ATRAID: variants seen among roughly 807,000 people sequenced by gnomAD.
The protein encoded by ATRAID is all-trans retinoic acid-induced differentiation factor.
A neutral mutation model predicts 28.8 loss-of-function variants in ATRAID; 26 were observed. The observed-to-expected ratio is 0.90, with a 90% CI of 0.66 to 1.25. The LOEUF is 1.25. Ranked by LOEUF, ATRAID falls within the 50% of genes most tolerant of loss-of-function variation. ATRAID has a pLI of 0.00. For synonymous variants in ATRAID, 131 were observed against 108.5 expected, an observed-to-expected ratio of 1.21 and a Z score of -1.29; for missense variants, 308 against 285.9, an observed-to-expected ratio of 1.08 and a Z score of -0.56.
chr2:27,212,670 A>G, intron 1 of ATRAID: 1 of 1,376,082 alleles, frequency 7.3e-7, no homozygotes. Context: ...CGACTTTCAA[A>G]GACCTGTGAA....
Position 27,217,063 on chromosome 2 carries a change from C to A in ATRAID, c.*115C>A. On this transcript the variant is annotated 3_prime_UTR_variant, in exon 7 of 7. Transcript: ENST00000380171. ...CAGTGGATTCGCCTCAAGGTTGAGG[C>A]CGCCATTGGAAGATGAAAAATTGCA... The A allele has an allele frequency of 1.2e-6, 1 of 865,214 alleles. No individual in the cohort carries two copies. The highest frequency in any genetic ancestry group is 1.8e-5 in the South Asian group (1 of 56,378). The allele number at this position is 865,214 out of a possible 1,614,324, so 53.6% of individuals were successfully genotyped here.
rs1674883388 is a variant in ATRAID, at chr2:27,217,124, T to C, written c.*176T>C. The C allele has an allele frequency of 1.8e-6, 1 of 565,614 alleles. No homozygotes were observed. The highest frequency in any genetic ancestry group is 3.6e-5 in the Admixed American group (1 of 27,670). The allele number at this position is 565,614 out of a possible 1,614,324, so 35.0% of individuals were successfully genotyped here. ...GTAGACAAATACCAGTTCCCATTGGTGTTGTTGCCTATAATAAACACTTTT... is the reference window on the plus strand; with the variant it reads ...GTAGACAAATACCAGTTCCCATTGGCGTTGTTGCCTATAATAAACACTTTT... On this transcript the variant is annotated 3_prime_UTR_variant, in exon 7 of 7. Coordinates refer to ENST00000380171, the MANE Select transcript of ATRAID (RefSeq NM_001170795.4).
rs768887668 is a variant in ATRAID at position 27,216,544 on chromosome 2, C to T, written c.509C>T (p.Ser170Phe). The change falls in exon 6 of 7, where the codon TCT becomes TTT. Residue 170 changes from serine (S) to phenylalanine (F), a missense_variant. Physicochemically the swap from Ser to Phe is radical, Grantham distance 155. Coordinates refer to ENST00000380171, the MANE Select transcript of ATRAID (RefSeq NM_001170795.4). ...GDPEMCPENG[S>F]CVPDGPGLLQ... ...CCAGAAATGTGTCCTGAGAATGGATCTTGTGTACCTGATGGTCCAGGTCTT... is the reference window on the plus strand; with the variant it reads ...CCAGAAATGTGTCCTGAGAATGGATTTTGTGTACCTGATGGTCCAGGTCTT... 1.2e-6 allele frequency: 2 copies of T among 1,613,984 alleles called. No individual in the cohort carries two copies. Among genetic ancestry groups the T allele is most frequent in the Non-Finnish European group, 1.7e-6 (2 of 1,179,858 alleles).
rs750774905 is a variant in ATRAID, at chr2:27,215,707, A to G, written c.441A>G (p.Gln147=). 1.7e-5 allele frequency: 27 copies of G among 1,614,036 alleles called. No homozygotes were observed. In the Admixed American group the frequency reaches 3.5e-4, roughly 21 times the overall value. ...WNTITSYIDN[Q]ICQGQKNLCN... ...CTATCACCTCTTATATAGACAACCA[A>G]ATCTGTCAAGGGCAAAAGAACCTTT... Residue 147 remains glutamine (Q), a synonymous_variant, in exon 5 of 7, where the codon CAA becomes CAG. Transcript: ENST00000380171.
rs767986269 is a variant in ATRAID, at chr2:27,212,388, G to A, written c.20G>A (p.Gly7Asp). ...CGGAAAATGGCGCCTCACGACCCGGGTAGTCTTACGACCCTGGTGCCCTGG... is the reference window on the plus strand; with the variant it reads ...CGGAAAATGGCGCCTCACGACCCGGATAGTCTTACGACCCTGGTGCCCTGG... MAPHDP[G>D]SLTTLVPWAA... is the part of the protein sequence containing the mutation. Residue 7 changes from glycine (G) to aspartate (D), a missense_variant, in exon 1 of 7, where the codon GGT becomes GAT. Coordinates refer to ENST00000380171, the MANE Select transcript of ATRAID (RefSeq NM_001170795.4). 2.6e-6 allele frequency: 4 copies of A among 1,550,760 alleles called. No homozygotes were observed. In the African/African-American group the frequency reaches 5.5e-5, roughly 21 times the overall value.
chr2:27,213,279 CAGA>C lies in ATRAID; in HGVS notation c.205_207del (p.Lys69del). ...GCTGCATGCCCGTTGCTGCCTGAAT[CAGA>C]AGGGCACCATCTTGGGGTGAGGGGA... On this transcript the variant is annotated inframe_deletion, in exon 2 of 7. Coordinates refer to ENST00000380171, the MANE Select transcript of ATRAID (RefSeq NM_001170795.4). The C allele has an allele frequency of 6.2e-7, 1 of 1,614,140 alleles. No individual in the cohort carries two copies. Among genetic ancestry groups the C allele is most frequent in the Non-Finnish European group, 8.5e-7 (1 of 1,179,996 alleles).
At chr2:27,216,297 C>A in intron 5 of ATRAID, 1 of 525,240 alleles carries the variant, frequency 1.9e-6, no homozygotes, top group South Asian at 2.2e-5. Context: ...TGTGGATCTT[C>A]AGTTGCTTCA....
chr2:27,216,840 A>G lies in ATRAID; in HGVS notation c.586-4A>G. 1 of 1,612,996 alleles carries G rather than the reference A, an allele frequency of 6.2e-7. No homozygotes were observed. Among genetic ancestry groups the G allele is most frequent in the Non-Finnish European group, 8.5e-7 (1 of 1,178,978 alleles). ...GGGGGTGTTTTTTGGTCTGTTGTTC[A>G]CAGGGCTCGTTCTCACTGCTTATGT... On this transcript the variant is annotated splice_polypyrimidine_tract_variant and splice_region_variant and intron_variant, in intron 6 of 6. Transcript: ENST00000380171.
chr2:27,215,226 T>C (rs1192501129), intron 2 of ATRAID, 95 bp from the exon 3 acceptor site: 1 of 1,223,888 alleles, frequency 8.2e-7, no homozygotes, highest in African/African-American at 1.5e-5. Flanking sequence ...GTTCAATTAT[T>C]AGCTGAAAAG....
chr2:27,216,499 T>C (rs766749389), intron 5 of ATRAID, 24 bp from the exon 6 acceptor site: 2 of 1,531,758 alleles, frequency 1.3e-6, no homozygotes, highest in Non-Finnish European at 9.0e-7. Context: ...AAAGTGATGT[T>C]CTCTATTTCT....
rs1413724153 is a variant in ATRAID at position 27,212,348 on chromosome 2, G to A, written c.-21G>A. ...CGCGGGGCCGGGTCGCGCGAGCAGCGGAGCACCAAGGGAACGGAAAATGGC... is the reference window on the plus strand; with the variant it reads ...CGCGGGGCCGGGTCGCGCGAGCAGCAGAGCACCAAGGGAACGGAAAATGGC... On this transcript the variant is annotated 5_prime_UTR_variant, in exon 1 of 7. Coordinates refer to ENST00000380171, the MANE Select transcript of ATRAID (RefSeq NM_001170795.4). 1 of 1,549,966 alleles carries A rather than the reference G, an allele frequency of 6.5e-7. No individual in the cohort carries two copies. Among genetic ancestry groups the A allele is most frequent in the East Asian group, 2.4e-5 (1 of 40,968 alleles).
intron 5 of ATRAID, 61 bp from the exon 6 acceptor site, chr2:27,216,462 T>C: frequency 7.8e-7 from 1 of 1,280,588 alleles, no homozygotes; most frequent in Non-Finnish European, 1.1e-6. Context: ...AAACAGATAA[T>C]TGAGAAATAT....
chr2:27,212,158 A>G lies in ATRAID; in HGVS notation c.-211A>G, dbSNP rs1329555252. ...GGGGGAGGCCTTCACTAAAGGGGAA[A>G]AGGAAGAGGGGGTCGGCCAGTATCC... On this transcript the variant is annotated 5_prime_UTR_variant, in exon 1 of 7. Transcript: ENST00000380171. 6.5e-7 allele frequency: 1 copy of G among 1,533,360 alleles called. No individual in the cohort carries two copies. Among genetic ancestry groups the G allele is most frequent in the Non-Finnish European group, 8.8e-7 (1 of 1,141,748 alleles). 95.0% of individuals were successfully genotyped at this position (1,533,360 alleles called of 1,614,324 possible). A position where few individuals can be genotyped will look rare whatever the true frequency, so the allele number is the denominator to read the frequency against.
At chr2:27,216,451 G>A (rs1674836331) in intron 5 of ATRAID, 72 bp from the exon 6 acceptor site, 6 of 1,199,254 alleles carry the variant, frequency 5.0e-6, no homozygotes, top group African/African-American at 4.5e-5. Flanking sequence ...AATCTAAGTT[G>A]AAACAGATAA....
chr2:27,216,591 G>A lies in ATRAID; in HGVS notation c.556G>A (p.Gly186Ser). 6.2e-7 allele frequency: 1 copy of A among 1,614,146 alleles called. No individual in the cohort carries two copies. Among genetic ancestry groups the A allele is most frequent in the Non-Finnish European group, 8.5e-7 (1 of 1,180,004 alleles). The change falls in exon 6 of 7, where the codon GGT becomes AGT. Residue 186 changes from glycine to serine, a missense_variant. Gly to Ser is a moderately conservative substitution (Grantham distance 56). Transcript: ENST00000380171. ...PGLLQCVCAD[G>S]FHGYKCMRQG... ...TCTTTTGCAGTGTGTTTGTGCTGATGGTTTCCATGGATACAAGTGTATGCG... is the reference window on the plus strand; with the variant it reads ...TCTTTTGCAGTGTGTTTGTGCTGATAGTTTCCATGGATACAAGTGTATGCG...
intron 2 of ATRAID, among the ~76,000 whole-genome samples, chr2:27,213,764 A>G (rs1674714042): frequency 6.6e-6 from 1 of 152,160 alleles, no homozygotes; most frequent in Admixed American, 6.5e-5. Context: ...TCAAACCTCC[A>G]TAATGGTCTG....
In ATRAID at chr2:27,216,854, C is replaced by T. The variant is rs1674865558; in HGVS notation, c.596C>T (p.Ser199Leu). 1.2e-6 allele frequency: 2 copies of T among 1,614,044 alleles called. No homozygotes were observed. The highest frequency in any genetic ancestry group is 1.7e-6 in the Non-Finnish European group (2 of 1,179,926). The change falls in exon 7 of 7, where the codon TCA (serine) becomes TTA (leucine). Residue 199 changes from serine (S) to leucine (L), a missense_variant. Transcript: ENST00000380171. ...GYKCMRQGSF[S>L]LLMFFGILGA... ...GTCTGTTGTTCACAGGGCTCGTTCT[C>T]ACTGCTTATGTTCTTCGGGATTCTG...
chr2:27,212,056 C>T lies in ATRAID; in HGVS notation c.-313C>T, dbSNP rs1674570873. The T allele has an allele frequency of 1.8e-6, 2 of 1,095,634 alleles. No homozygotes were observed. The highest frequency in any genetic ancestry group is 2.5e-6 in the Non-Finnish European group (2 of 791,452). 67.9% of individuals were successfully genotyped at this position (1,095,634 alleles called of 1,614,324 possible). A position where few individuals can be genotyped will look rare whatever the true frequency, so the allele number is the denominator to read the frequency against. ...GGAGGGGCCCGAGTTTCTGCGAAGC[C>T]GCGACCTCGGCGTCCGGACGCGGGG... is the stretch of plus-strand genomic sequence containing the variant. On this transcript the variant is annotated 5_prime_UTR_variant, in exon 1 of 7. Transcript: ENST00000380171.
At chr2:27,214,891 A>G (rs1000424545) in intron 2 of ATRAID, among the ~76,000 whole-genome samples, 1 of 152,244 alleles carries the variant, frequency 6.6e-6, no homozygotes, top group African/African-American at 2.4e-5. Context: ...CCAGTACAGT[A>G]GCTACTAACG....
Sources: gnomAD v4.1 joint callset for allele counts (sites outside exome capture counted in the v4.1 genomes callset) on GRCh38, gnomAD v4.1.1 for gene constraint, MANE v1.5 for transcripts, NCBI Gene and HGNC (gene_info 2026-07-23, HGNC 2026-07-21) for gene names.